Variants in DOK7 observed in about 807,000 individuals in gnomAD.
DOK7 encodes protein Dok-7.
In DOK7, 32 loss-of-function variants were observed where a neutral mutation model predicts 30.7. That is an observed-to-expected ratio of 1.04 (90% CI 0.79 to 1.40). The LOEUF is 1.40. Ranked by LOEUF, DOK7 falls within the 40% of genes most tolerant of loss-of-function variation. The pLI is 0.00. For missense variants in DOK7, 1,007 were observed against 699.2 expected, an observed-to-expected ratio of 1.44 and a Z score of -4.97; for synonymous variants, 447 against 324.1, an observed-to-expected ratio of 1.38 and a Z score of -4.07.
chr4:3,489,831 C>G (rs200753549), intron 6 of DOK7, 35 bp downstream of exon 6: 4 of 1,559,016 alleles, frequency 2.6e-6, no homozygotes, highest in African/African-American at 2.7e-5. Context: ...TGTGGGACCT[C>G]GGCTAAGCCT....
downstream of DOK7, among the ~76,000 whole-genome samples, chr4:3,498,135 G>A (rs981640689): frequency 6.6e-6 from 1 of 152,298 alleles, no homozygotes; most frequent in Admixed American, 6.5e-5. Context: ...GGCGGGGTCT[G>A]GGAGGAGAGT....
rs1293555448 is a variant in DOK7 at position 3,484,483 on chromosome 4, G to A, written c.533-1056G>A. On this transcript the variant is annotated intron_variant, in intron 4 of 6. Coordinates refer to ENST00000340083, the MANE Select transcript of DOK7 (RefSeq NM_173660.5). ...ATGGGCAGAGGCCCCGGAGCGGGCGGGATTCCTGTGAGGTGACGCCAGCCG... is the reference window on the plus strand; with the variant it reads ...ATGGGCAGAGGCCCCGGAGCGGGCGAGATTCCTGTGAGGTGACGCCAGCCG... 3 of 985,156 alleles carry A rather than the reference G, an allele frequency of 3.0e-6. No homozygotes were observed. The African/African-American group carries it at 5.2e-5, about 17-fold the overall frequency. 61.0% of individuals were successfully genotyped at this position (985,156 alleles called of 1,614,324 possible).
intron 4 of DOK7, among the ~76,000 whole-genome samples, chr4:3,480,394 G>A (rs760025139): frequency 1.1e-4 from 17 of 152,152 alleles, no homozygotes; most frequent in Non-Finnish European, 2.5e-4. Context: ...GATCACCTGA[G>A]GTCAGGAGTT....
intron 2 of DOK7, among the ~76,000 whole-genome samples, chr4:3,466,761 G>C (rs1295007047): frequency 6.6e-6 from 1 of 152,216 alleles, no homozygotes; most frequent in Non-Finnish European, 1.5e-5. Context: ...GCAATGGAGA[G>C]GTGGGCGCGA....
rs1728609741 is a variant in DOK7 at position 3,493,011 on chromosome 4, C to T, written c.1025C>T (p.Thr342Ile). The T allele has an allele frequency of 2.6e-6, 4 of 1,565,130 alleles. No individual in the cohort carries two copies. Among genetic ancestry groups the T allele is most frequent in the Non-Finnish European group, 3.4e-6 (4 of 1,160,160 alleles). ...AGCTCCTCGGACAGCGGCATCGCCA[C>T]TGGCAGCCACTCCTCTTACTCCAGC... ...RQSSSDSGIA[T>I]GSHSSYSSSL... The change falls in exon 7 of 7, where the codon ACT becomes ATT. Residue 342 changes from threonine to isoleucine, a missense_variant. Thr to Ile is a moderately conservative substitution (Grantham distance 89). Coordinates refer to ENST00000340083, the MANE Select transcript of DOK7 (RefSeq NM_173660.5).
chr4:3,492,744 C>G lies in DOK7; in HGVS notation c.773-15C>G, dbSNP rs1433463563. 9 of 1,611,812 alleles carry G rather than the reference C, an allele frequency of 5.6e-6. No homozygotes were observed. The highest frequency in any genetic ancestry group is 7.6e-6 in the Non-Finnish European group (9 of 1,179,968). On this transcript the variant is annotated splice_polypyrimidine_tract_variant and intron_variant, in intron 6 of 6. Coordinates refer to ENST00000340083, the MANE Select transcript of DOK7 (RefSeq NM_173660.5). Reference sequence around the variant, plus strand: ...TGTACCCCCACAACTGCCTTGGCTTCCTGCTCTGTCTCAGGGGATGACCGC... The same window carrying G: ...TGTACCCCCACAACTGCCTTGGCTTGCTGCTCTGTCTCAGGGGATGACCGC...
intron 2 of DOK7, among the ~76,000 whole-genome samples, chr4:3,466,610 A>G (rs1408127134): frequency 2.6e-5 from 4 of 152,052 alleles, no homozygotes; most frequent in Non-Finnish European, 5.9e-5. Context: ...CATCAAGAAC[A>G]GGGCGACCTT....
In DOK7 at chr4:3,489,693, A is replaced by G. The variant is rs1728059499; in HGVS notation, c.669A>G (p.Gly223=). The G allele has an allele frequency of 1.3e-6, 2 of 1,564,160 alleles. No homozygotes were observed. Among genetic ancestry groups the G allele is most frequent in the Non-Finnish European group, 1.7e-6 (2 of 1,154,710 alleles). The change falls in exon 6 of 7, where the codon GGA becomes GGG. Residue 223 remains glycine (G), a synonymous_variant. Coordinates refer to ENST00000340083, the MANE Select transcript of DOK7 (RefSeq NM_173660.5). The part of the protein sequence containing the change: ...RPVLPDPSPP[G]PSTVEERVAQ... Reference sequence around the variant, plus strand: ...CTGCCACAGACCCAAGTCCCCCGGGACCCTCGACTGTGGAGGAGCGTGTGG... The same window carrying G: ...CTGCCACAGACCCAAGTCCCCCGGGGCCCTCGACTGTGGAGGAGCGTGTGG...
chr4:3,500,075 G>C lies in DOK7; in HGVS notation c.1109-176G>C, dbSNP rs10805009. ...CAGTGTGGGGGGGGCCTCAGGATGGGGCAGCGCTGGGCCAAAGATGGACGG... is the reference window on the plus strand; with the variant it reads ...CAGTGTGGGGGGGGCCTCAGGATGGCGCAGCGCTGGGCCAAAGATGGACGG... On this transcript the variant is annotated intron_variant, in intron 6 of 7. Transcript: ENST00000643608. 0.5 allele frequency among the ~76,000 whole-genome samples: 76,001 copies of C among 150,840 alleles called. 20,388 individuals are homozygous for C. Among genetic ancestry groups the C allele is most frequent in the East Asian group, 0.89 (4,381 of 4,950 alleles).
At chr4:3,496,803 G>A (rs1406940411), downstream of DOK7, 11 of 1,535,994 alleles carry the variant, frequency 7.2e-6, no homozygotes, top group East Asian at 2.4e-5. Context: ...CACTGACCCA[G>A]GTTCTCTTTG....
chr4:3,466,461 C>T (rs982769260), intron 2 of DOK7, among the ~76,000 whole-genome samples: 3 of 152,220 alleles, frequency 2.0e-5, no homozygotes, highest in African/African-American at 7.2e-5. Flanking sequence ...GACACTGGGT[C>T]GGCCCTTCCT....
intron 2 of DOK7, among the ~76,000 whole-genome samples, chr4:3,467,872 G>T (rs1726400212): frequency 1.3e-5 from 2 of 152,164 alleles, no homozygotes; most frequent in African/African-American, 4.8e-5. Flanking sequence ...CGCTTTCTCT[G>T]TCCTTATATG....
intron 5 of DOK7, 97 bp from the exon 6 acceptor site, chr4:3,489,580 G>A: frequency 6.5e-7 from 1 of 1,542,886 alleles, no homozygotes; most frequent in Non-Finnish European, 8.7e-7. Context: ...CCACTCCACA[G>A]AGGGGGATAA....
intron 2 of DOK7, among the ~76,000 whole-genome samples, chr4:3,468,109 C>T (rs527322638): frequency 1.1e-4 from 16 of 152,268 alleles, no homozygotes; most frequent in Non-Finnish European, 2.1e-4. Flanking sequence ...ACTGTGTCCA[C>T]GTGTGTGTGC....
At chr4:3,476,962 C>T (rs969472119) in intron 4 of DOK7, among the ~76,000 whole-genome samples, 1 of 152,246 alleles carries the variant, frequency 6.6e-6, no homozygotes, top group African/African-American at 2.4e-5. Context: ...ACATGCCAGC[C>T]ACCCCGCCTG....
intron 2 of DOK7, among the ~76,000 whole-genome samples, chr4:3,472,515 G>C (rs2109334061): frequency 6.6e-6 from 1 of 152,350 alleles, no homozygotes; most frequent in Non-Finnish European, 1.5e-5. Context: ...AGCCATGCCG[G>C]GAGGGCCGGG....
At chr4:3,466,990 G>A (rs1324359775) in intron 2 of DOK7, among the ~76,000 whole-genome samples, 7 of 152,192 alleles carry the variant, frequency 4.6e-5, no homozygotes, top group African/African-American at 1.7e-4. Context: ...GCATCAGCAG[G>A]CCGGCCTGGT....
intron 2 of DOK7, among the ~76,000 whole-genome samples, chr4:3,469,091 TGC>T (rs1332243946): frequency 2.0e-5 from 3 of 150,656 alleles, no homozygotes; most frequent in Admixed American, 1.3e-4. Flanking sequence ...TACATGTGTG[TGC>T]CTGTGTGTGC....
chr4:3,476,385 G>A lies in DOK7; in HGVS notation c.375G>A (p.Glu125=). 1 of 1,612,694 alleles carries A rather than the reference G, an allele frequency of 6.2e-7. No homozygotes were observed. Among genetic ancestry groups the A allele is most frequent in the Non-Finnish European group, 8.5e-7 (1 of 1,179,916 alleles). The change falls in exon 4 of 7, where the codon GAG becomes GAA. Residue 125 remains glutamate (E), a synonymous_variant. Coordinates refer to ENST00000340083, the MANE Select transcript of DOK7 (RefSeq NM_173660.5). ...HVTVAPGTKL[E]SGPATLHLCN... is the part of the protein sequence containing the mutation. ...CAGTGGCTCCAGGCACCAAGTTGGAGAGCGGCCCGGCTACCCTGCACCTCT... is the reference window on the plus strand; with the variant it reads ...CAGTGGCTCCAGGCACCAAGTTGGAAAGCGGCCCGGCTACCCTGCACCTCT...
Sources: allele counts gnomAD v4.1 joint callset (sites outside exome capture counted in the v4.1 genomes callset), GRCh38; gene constraint gnomAD v4.1.1; transcripts MANE v1.5; gene names NCBI Gene and HGNC (gene_info 2026-07-23, HGNC 2026-07-21).